The following THSD4 variants were observed in gnomAD, a reference collection of about 807,000 sequenced individuals.
The protein encoded by THSD4 is thrombospondin type 1 domain containing 4.
A neutral mutation model predicts 119.0 loss-of-function variants in THSD4; 69 were observed. The ratio of observed to expected loss-of-function variants is 0.58; its 90% confidence interval spans 0.48 to 0.71. The LOEUF (loss-of-function observed/expected upper bound fraction) is 0.71. THSD4 is among the 30% of genes least tolerant of loss of function. The pLI, the probability that THSD4 is intolerant of heterozygous loss-of-function variation, is 0.00. For missense variants in THSD4, 1,393 were observed against 1,391.1 expected (o/e 1.00, Z -0.02); for synonymous variants, 524 against 540.4 (o/e 0.97, Z 0.42).
intron 7 of THSD4, among the ~76,000 whole-genome samples, chr15:71,419,638 C>T (rs571438141): frequency 1.8e-5 from 2 of 108,410 alleles, no homozygotes; most frequent in African/African-American, 6.3e-5. Context: ...CTTAGTACTG[C>T]TTTCAGTGTA....
At chr15:71,237,750 T>C (rs1285954509) in intron 4 of THSD4, among the ~76,000 whole-genome samples, 1 of 152,092 alleles carries the variant, frequency 6.6e-6, no homozygotes, top group Non-Finnish European at 1.5e-5. Flanking sequence ...TTCCAGGTGA[T>C]GATTGCAGAT....
chr15:71,224,274 G>T (rs1012890200), intron 4 of THSD4, among the ~76,000 whole-genome samples: 1 of 152,188 alleles, frequency 6.6e-6, no homozygotes, highest in Non-Finnish European at 1.5e-5. Context: ...AAGTCCACAG[G>T]CTCCTTTCCA....
At chr15:71,505,079 G>A (rs991915412) in intron 7 of THSD4, among the ~76,000 whole-genome samples, 1 of 152,134 alleles carries the variant, frequency 6.6e-6, no homozygotes, top group Admixed American at 6.5e-5. Flanking sequence ...CATTTCAAGG[G>A]CACATGATAG....
At chr15:71,528,456 A>C (rs2140805715) in intron 7 of THSD4, among the ~76,000 whole-genome samples, 1 of 152,276 alleles carries the variant, frequency 6.6e-6, no homozygotes, top group South Asian at 2.1e-4. Context: ...TAGCACTCAA[A>C]CCAAAGTGTA....
intron 6 of THSD4, among the ~76,000 whole-genome samples, chr15:71,393,900 T>A (rs971441086): frequency 9.9e-5 from 15 of 152,134 alleles, no homozygotes; most frequent in Non-Finnish European, 4.4e-5. Context: ...TCCAAGGTTC[T>A]CCGATTGAGG....
At chr15:71,136,548 T>C (rs1344747051) in intron 1 of THSD4, among the ~76,000 whole-genome samples, 2 of 152,142 alleles carry the variant, frequency 1.3e-5, no homozygotes, top group African/African-American at 4.8e-5. Context: ...AGCTACTTCC[T>C]TCTAGCATCT....
chr15:71,124,913 T>G (rs2040439957), intron 1 of THSD4, among the ~76,000 whole-genome samples: 1 of 151,804 alleles, frequency 6.6e-6, no homozygotes, highest in Non-Finnish European at 1.5e-5. Context: ...CATGGTGGTG[T>G]GCACCTGTGG....
Position 71,557,268 on chromosome 15 carries a change from G to A in THSD4, c.1153-103262G>A, listed in dbSNP as rs962045951. ...TTTTACTTTTTTAATCTGTCAGTGTGATAAATTACAGAAACAGATTTTATA... is the reference window on the plus strand; with the variant it reads ...TTTTACTTTTTTAATCTGTCAGTGTAATAAATTACAGAAACAGATTTTATA... On this transcript the variant is annotated intron_variant, in intron 7 of 17. Transcript: ENST00000261862. Among the ~76,000 whole-genome samples, 4 of 152,106 alleles carry A rather than the reference G, an allele frequency of 2.6e-5. No homozygotes were observed. In the East Asian group the frequency reaches 7.7e-4, roughly 29 times the overall value.
In THSD4 at chr15:71,780,688, C is replaced by T. The variant is rs1252930391; in HGVS notation, c.*3314C>T. On this transcript the variant is annotated 3_prime_UTR_variant, in exon 18 of 18. Transcript: ENST00000261862. ...CCGCCCCCAGGGAACTAGAACATGA[C>T]AAGAATTCTCCGCACTGTGCCTACC... 2.2e-6 allele frequency: 1 copy of T among 456,736 alleles called. No individual in the cohort carries two copies. Among genetic ancestry groups the T allele is most frequent in the Non-Finnish European group, 4.4e-6 (1 of 226,972 alleles). 28.3% of individuals were successfully genotyped at this position (456,736 alleles called of 1,614,324 possible).
intron 14 of THSD4, among the ~76,000 whole-genome samples, chr15:71,752,083 T>C (rs1025952162): frequency 2.6e-5 from 4 of 152,216 alleles, no homozygotes; most frequent in East Asian, 1.9e-4. Context: ...TTTGTTGCCA[T>C]GATTCTTTAG....
At chr15:71,562,599 A>G (rs1023939333) in intron 7 of THSD4, among the ~76,000 whole-genome samples, 1 of 152,044 alleles carries the variant, frequency 6.6e-6, no homozygotes, top group African/African-American at 2.4e-5. Context: ...GAGAACTGCC[A>G]GGGCCTAAAT....
chr15:71,246,102 G>GGA (rs2044197927), intron 5 of THSD4, among the ~76,000 whole-genome samples: 1 of 152,134 alleles, frequency 6.6e-6, no homozygotes, highest in Non-Finnish European at 1.5e-5. Flanking sequence ...TGACACGGAG[G>GGA]AACTGAGTTT....
At chr15:71,234,005 G>T (rs2044082007) in intron 4 of THSD4, among the ~76,000 whole-genome samples, 1 of 152,176 alleles carries the variant, frequency 6.6e-6, no homozygotes, top group South Asian at 2.1e-4. Context: ...CAAGCTGTTG[G>T]CCACCTTCCA....
intron 6 of THSD4, among the ~76,000 whole-genome samples, chr15:71,279,400 G>T (rs553650708): frequency 6.6e-6 from 1 of 152,184 alleles, no homozygotes; most frequent in Non-Finnish European, 1.5e-5. Flanking sequence ...TGTTTAAGCC[G>T]GCTTTGGAGG....
intron 15 of THSD4, among the ~76,000 whole-genome samples, chr15:71,764,505 G>C (rs2053681854): frequency 6.6e-6 from 1 of 152,376 alleles, no homozygotes; most frequent in East Asian, 1.9e-4. Context: ...GTTGGAAGGG[G>C]AGGGTTGACC....
chr15:71,357,461 C>T (rs552274020), intron 6 of THSD4, among the ~76,000 whole-genome samples: 5 of 152,340 alleles, frequency 3.3e-5, no homozygotes, highest in African/African-American at 1.2e-4. Context: ...GGACTCCCTG[C>T]AGACTGGCTT....
rs78398166 is a variant in THSD4, at chr15:71,170,397, G to T, written c.99+15465G>T. 1.9e-3 allele frequency among the ~76,000 whole-genome samples: 285 copies of T among 152,304 alleles called. 2 individuals carry two copies. Among genetic ancestry groups the T allele is most frequent in the African/African-American group, 6.4e-3 (266 of 41,566 alleles). Reference sequence around the variant, plus strand: ...GCATTCATTCAGGACCAAGAACAGTGACTGTTCCCACTAGGCATACTTTAA... The same window carrying T: ...GCATTCATTCAGGACCAAGAACAGTTACTGTTCCCACTAGGCATACTTTAA... On this transcript the variant is annotated intron_variant, in intron 3 of 17. Transcript: ENST00000261862.
At chr15:71,459,552 G>A (rs1253433473) in intron 7 of THSD4, among the ~76,000 whole-genome samples, 1 of 152,084 alleles carries the variant, frequency 6.6e-6, no homozygotes, top group Non-Finnish European at 1.5e-5. Context: ...TCAAATAGTT[G>A]TATCTCTTGC....
chr15:71,441,638 C>T (rs1256350311), intron 7 of THSD4, among the ~76,000 whole-genome samples: 1 of 151,862 alleles, frequency 6.6e-6, no homozygotes, highest in South Asian at 2.1e-4. Context: ...CGTAATCTGC[C>T]CGCCTTGGCC....
Sources: allele counts gnomAD v4.1 joint callset (sites outside exome capture counted in the v4.1 genomes callset), GRCh38; gene constraint gnomAD v4.1.1; transcripts MANE v1.5; gene names NCBI Gene and HGNC (gene_info 2026-07-23, HGNC 2026-07-21).